Variants in NKAIN2 observed in about 807,000 individuals in gnomAD.
NKAIN2 encodes the protein sodium/potassium-transporting ATPase subunit beta-1-interacting protein 2.
A neutral mutation model predicts 32.6 loss-of-function variants in NKAIN2; 14 were observed. The ratio of observed to expected loss-of-function variants is 0.43; its 90% CI spans 0.28 to 0.67. The LOEUF (loss-of-function observed/expected upper bound fraction) is 0.67, where lower values mean the gene tolerates loss of function less well. NKAIN2 is among the 30% of genes least tolerant of loss of function. The pLI, the probability that NKAIN2 is intolerant of heterozygous loss-of-function variation, is 0.17. For missense variants in NKAIN2, 198 were observed against 258.3 expected, an observed-to-expected ratio of 0.77 and a Z score of 1.60; for synonymous variants, 80 against 87.2, an observed-to-expected ratio of 0.92 and a Z score of 0.46.
intron 2 of NKAIN2, among the ~76,000 whole-genome samples, chr6:124,347,018 A>T (rs1387420176): frequency 2.0e-5 from 3 of 152,092 alleles, no homozygotes; most frequent in Admixed American, 2.0e-4. Context: ...GAGCTCTTTT[A>T]GGGCAGGCCT....
At chr6:124,623,323 A>T (rs1783181051) in intron 3 of NKAIN2, among the ~76,000 whole-genome samples, 1 of 152,184 alleles carries the variant, frequency 6.6e-6, no homozygotes, top group Non-Finnish European at 1.5e-5. Flanking sequence ...ACCACAGTGG[A>T]CATTTCATTT....
intron 1 of NKAIN2, among the ~76,000 whole-genome samples, chr6:124,075,381 A>C (rs933778894): frequency 6.6e-6 from 1 of 152,196 alleles, no homozygotes; most frequent in Non-Finnish European, 1.5e-5. Context: ...TAAGCATGAT[A>C]TCTTAATTGA....
intron 3 of NKAIN2, among the ~76,000 whole-genome samples, chr6:124,435,726 A>G (rs1342792016): frequency 5.9e-5 from 9 of 152,168 alleles, no homozygotes; most frequent in Non-Finnish European, 1.0e-4. Flanking sequence ...ATGTGAGTAT[A>G]CAACTTATGC....
intron 1 of NKAIN2, among the ~76,000 whole-genome samples, chr6:124,145,556 A>G (rs1463942880): frequency 2.0e-5 from 3 of 152,012 alleles, no homozygotes; most frequent in Non-Finnish European, 2.9e-5. Flanking sequence ...CCCAGGCTGG[A>G]GTGCAATGGC....
At chr6:124,822,948 A>AT (rs1260778436) in intron 6 of NKAIN2, among the ~76,000 whole-genome samples, 1 of 152,206 alleles carries the variant, frequency 6.6e-6, no homozygotes, top group African/African-American at 2.4e-5. Context: ...TAAACATTGC[A>AT]TTCTTTTTGG....
intron 3 of NKAIN2, among the ~76,000 whole-genome samples, chr6:124,538,894 TAGTC>T (rs1367993038): frequency 2.0e-5 from 3 of 152,168 alleles, no homozygotes; most frequent in Non-Finnish European, 4.4e-5. Flanking sequence ...CATATGTTCA[TAGTC>T]AGTTACTCTT....
chr6:123,930,381 G>A (rs1042490250), intron 1 of NKAIN2, among the ~76,000 whole-genome samples: 1 of 151,974 alleles, frequency 6.6e-6, no homozygotes, highest in African/African-American at 2.4e-5. Flanking sequence ...TGTCTTTATA[G>A]AACTAACAGT....
At chr6:124,708,302 T>A (rs1775214493) in intron 4 of NKAIN2, among the ~76,000 whole-genome samples, 1 of 151,714 alleles carries the variant, frequency 6.6e-6, no homozygotes, top group Admixed American at 6.6e-5. Flanking sequence ...TTCTTTTGGC[T>A]TAGGATTGCC....
At chr6:124,371,693 CAAAAAAAAAAA>C (rs10679200) in intron 3 of NKAIN2, among the ~76,000 whole-genome samples, 3 of 95,788 alleles carry the variant, frequency 3.1e-5, no homozygotes, top group Non-Finnish European at 6.1e-5. Flanking sequence ...GACTCTGTCT[CAAAAAAAAAAA>C]AAAAAAAAGA....
intron 3 of NKAIN2, among the ~76,000 whole-genome samples, chr6:124,525,664 A>T (rs1047528640): frequency 6.7e-6 from 1 of 150,334 alleles, no homozygotes; most frequent in Non-Finnish European, 1.5e-5. Context: ...CTTCACAACA[A>T]TGTAGAGTTA....
chr6:124,247,130 A>G (rs1373121766), intron 1 of NKAIN2, among the ~76,000 whole-genome samples: 1 of 152,022 alleles, frequency 6.6e-6, no homozygotes, highest in Non-Finnish European at 1.5e-5. Context: ...TTAAGGCCTC[A>G]TGTGATTAGA....
chr6:124,554,607 T>C (rs941345127), intron 3 of NKAIN2, among the ~76,000 whole-genome samples: 2 of 152,228 alleles, frequency 1.3e-5, no homozygotes, highest in African/African-American at 4.8e-5. Flanking sequence ...TGAACATTTA[T>C]TATTTTTTAT....
At chr6:124,139,823 A>G (rs887526580) in intron 1 of NKAIN2, among the ~76,000 whole-genome samples, 2 of 152,230 alleles carry the variant, frequency 1.3e-5, no homozygotes, top group African/African-American at 4.8e-5. Flanking sequence ...TTGGGAGAAG[A>G]AGGATATTTA....
chr6:124,755,245 A>G (rs1777908715), intron 4 of NKAIN2, among the ~76,000 whole-genome samples: 1 of 152,268 alleles, frequency 6.6e-6, no homozygotes, highest in Non-Finnish European at 1.5e-5. Flanking sequence ...GAGACATCCA[A>G]TATGGGAGAA....
intron 3 of NKAIN2, among the ~76,000 whole-genome samples, chr6:124,616,471 T>C (rs1583526386): frequency 2.8e-5 from 1 of 36,328 alleles, no homozygotes; most frequent in South Asian, 2.0e-3. Flanking sequence ...TTTTTTTTTT[T>C]TTTTTTTTTT....
chr6:124,073,286 G>A (rs781095904), intron 1 of NKAIN2, among the ~76,000 whole-genome samples: 72 of 152,240 alleles, frequency 4.7e-4, no homozygotes, highest in Non-Finnish European at 5.4e-4. Flanking sequence ...TTGAAGGGAG[G>A]CCGGCACAGC....
intron 3 of NKAIN2, among the ~76,000 whole-genome samples, chr6:124,516,384 TTA>T (rs1323701976): frequency 6.6e-6 from 1 of 152,156 alleles, no homozygotes; most frequent in Non-Finnish European, 1.5e-5. Context: ...AGATTTTGTG[TTA>T]TTTTTTTTCA....
chr6:124,251,756 C>T (rs1793699647), intron 1 of NKAIN2, among the ~76,000 whole-genome samples: 1 of 151,944 alleles, frequency 6.6e-6, no homozygotes, highest in Non-Finnish European at 1.5e-5. Context: ...AGGGACCCTT[C>T]AATCTCCTCT....
chr6:123,825,217 T>C (rs972191175), intron 1 of NKAIN2, among the ~76,000 whole-genome samples: 2 of 152,080 alleles, frequency 1.3e-5, no homozygotes, highest in Non-Finnish European at 2.9e-5. Flanking sequence ...CAGATCTTAA[T>C]ACCATCACCT....
Sources: gnomAD v4.1 joint callset for allele counts (sites outside exome capture counted in the v4.1 genomes callset) on GRCh38, gnomAD v4.1.1 for gene constraint, MANE v1.5 for transcripts, NCBI Gene and HGNC (gene_info 2026-07-23, HGNC 2026-07-21) for gene names.